CLCN3: variants seen among roughly 807,000 people sequenced by gnomAD.
CLCN3 encodes the protein H(+)/Cl(-) exchange transporter 3.
A neutral mutation model predicts 83.4 loss-of-function variants in CLCN3; 16 were observed. The ratio of observed to expected loss-of-function variants is 0.19; its 90% CI spans 0.13 to 0.29. CLCN3 has a LOEUF of 0.29. Among genes scored for constraint, CLCN3 ranks in the 10% least tolerant of loss-of-function variants. The pLI, the probability that CLCN3 is intolerant of heterozygous loss-of-function variation, is 1.00. For missense variants in CLCN3, 544 were observed against 1,006.0 expected (o/e 0.54, Z 6.21); for synonymous variants, 322 against 346.2 (o/e 0.93, Z 0.78).
intron 2 of CLCN3, among the ~76,000 whole-genome samples, chr4:169,677,841 CT>C (rs760785457): frequency 6.6e-6 from 1 of 152,164 alleles, no homozygotes; most frequent in African/African-American, 2.4e-5. Flanking sequence ...ATTTCCATTT[CT>C]TTTTATGTGT....
intron 2 of CLCN3, among the ~76,000 whole-genome samples, chr4:169,673,823 A>T (rs1731573136): frequency 6.6e-6 from 1 of 152,164 alleles, no homozygotes; most frequent in South Asian, 2.1e-4. Flanking sequence ...GATATATGCC[A>T]TTATATGTAA....
At chr4:169,666,430 C>T (rs1018012193) in intron 2 of CLCN3, among the ~76,000 whole-genome samples, 7 of 152,262 alleles carry the variant, frequency 4.6e-5, no homozygotes, top group African/African-American at 1.4e-4. Flanking sequence ...GCATTACTAT[C>T]GTAAACTTCT....
chr4:169,678,955 G>A (rs1731793719), intron 2 of CLCN3, among the ~76,000 whole-genome samples: 1 of 152,400 alleles, frequency 6.6e-6, no homozygotes, highest in South Asian at 2.1e-4. Context: ...TGGCGGCCAG[G>A]CAGAGGGGCT....
chr4:169,703,358 T>A (rs570226542), intron 9 of CLCN3, among the ~76,000 whole-genome samples: 1 of 152,356 alleles, frequency 6.6e-6, no homozygotes, highest in Non-Finnish European at 1.5e-5. Flanking sequence ...TGGGCAACTC[T>A]GATAAGTTTG....
chr4:169,685,636 A>G (rs1000656420), intron 3 of CLCN3, among the ~76,000 whole-genome samples: 21 of 152,138 alleles, frequency 1.4e-4, no homozygotes, highest in African/African-American at 5.1e-4. Context: ...GATTTTAGGA[A>G]CGGTGATGAT....
In CLCN3 at chr4:169,673,524, C is replaced by T. The variant is rs142749848; in HGVS notation, c.161-6526C>T. Among the ~76,000 whole-genome samples the T allele has an allele frequency of 4.5e-3, 674 of 151,104 alleles. 3 individuals carry two copies. Among genetic ancestry groups the T allele is most frequent in the African/African-American group, 0.016 (645 of 41,202 alleles). Reference sequence around the variant, plus strand: ...TTGAAAATTCTTTAAGTGGGGCTAGCGATGTATTATGGATACATGTTAAGT... The same window carrying T: ...TTGAAAATTCTTTAAGTGGGGCTAGTGATGTATTATGGATACATGTTAAGT... On this transcript the variant is annotated intron_variant, in intron 2 of 12. Transcript: ENST00000513761.
At chr4:169,697,081 A>G in intron 8 of CLCN3, 108 bp from the exon 9 acceptor site, 1 of 786,406 alleles carries the variant, frequency 1.3e-6, no homozygotes, top group Non-Finnish European at 1.9e-6. Flanking sequence ...GTAAATTCTA[A>G]CTACAGCAAA....
intron 7 of CLCN3, among the ~76,000 whole-genome samples, chr4:169,694,220 A>G (rs1027982915): frequency 2.6e-5 from 4 of 152,224 alleles, no homozygotes; most frequent in African/African-American, 9.6e-5. Flanking sequence ...AAACTTTTAT[A>G]AAGTATTTAC....
chr4:169,654,065 G>A (rs193187306), intron 2 of CLCN3, among the ~76,000 whole-genome samples: 1 of 152,248 alleles, frequency 6.6e-6, no homozygotes, highest in African/African-American at 2.4e-5. Flanking sequence ...CTCTTGTACA[G>A]TGCCACCTCT....
chr4:169,690,804 C>A, intron 6 of CLCN3, 152 bp downstream of exon 6: 1 of 584,938 alleles, frequency 1.7e-6, no homozygotes. Flanking sequence ...TGATGGTAGA[C>A]ATCATTGAAA....
rs537349488 is a variant in CLCN3, at chr4:169,628,108, A to AC, written c.-17+7051dup. On this transcript the variant is annotated intron_variant, in intron 1 of 12. Transcript: ENST00000513761. ...ACATCCATACACTGTCCCATTCCCAACCCCCCAATAAAGGAACCTCAACCT... is the reference window on the plus strand; with the variant it reads ...ACATCCATACACTGTCCCATTCCCAACCCCCCCAATAAAGGAACCTCAACCT... 5.8e-4 allele frequency among the ~76,000 whole-genome samples: 88 copies of AC among 152,246 alleles called. No homozygotes were observed. In the South Asian group the frequency reaches 7.7e-3, roughly 13 times the overall value.
intron 2 of CLCN3, among the ~76,000 whole-genome samples, chr4:169,641,447 G>A (rs13120831): frequency 0.23 from 35,401 of 152,078 alleles, 4,309 homozygotes; most frequent in South Asian, 0.3. Context: ...CATAGTAGAC[G>A]AGGCTCAGAG....
At chr4:169,663,723 C>G in intron 2 of CLCN3, 1 of 312,916 alleles carries the variant, frequency 3.2e-6, no homozygotes, top group Non-Finnish European at 6.4e-6. Flanking sequence ...TCCCCATTTT[C>G]TAGTTGACAA....
chr4:169,630,721 G>A (rs1440591777), intron 1 of CLCN3, among the ~76,000 whole-genome samples: 1 of 151,938 alleles, frequency 6.6e-6, no homozygotes, highest in Non-Finnish European at 1.5e-5. Context: ...TTAGTACAGG[G>A]TTTCACCATG....
intron 2 of CLCN3, among the ~76,000 whole-genome samples, chr4:169,668,852 C>T (rs1731352859): frequency 6.6e-6 from 1 of 151,894 alleles, no homozygotes; most frequent in East Asian, 1.9e-4. Context: ...CCTCTTGAAG[C>T]TTCAGCTGTT....
chr4:169,671,680 G>T (rs146802392), intron 2 of CLCN3, among the ~76,000 whole-genome samples: 1 of 152,052 alleles, frequency 6.6e-6, no homozygotes, highest in South Asian at 2.1e-4. Context: ...CTGTAATATC[G>T]AATCGTGTTC....
At chr4:169,689,662 A>G (rs1374162105) in intron 5 of CLCN3, among the ~76,000 whole-genome samples, 1 of 152,252 alleles carries the variant, frequency 6.6e-6, no homozygotes, top group South Asian at 2.1e-4. Flanking sequence ...GCATTACGGC[A>G]TTTAAATGAT....
In CLCN3 at chr4:169,721,373, A is replaced by T. The variant is rs1733634081; in HGVS notation, c.*1376A>T. 1 of 152,228 alleles carries T rather than the reference A, an allele frequency of 6.6e-6. No homozygotes were observed. The highest frequency in any genetic ancestry group is 1.5e-5 in the Non-Finnish European group (1 of 68,044). The allele number at this position is 152,228 out of a possible 1,614,324, so 9.4% of individuals were successfully genotyped here. ...CTCTCTGTGATCCAGTGTGCACATAAACCTTTCTCTGATCTTTCACTGCCA... is the reference window on the plus strand; with the variant it reads ...CTCTCTGTGATCCAGTGTGCACATATACCTTTCTCTGATCTTTCACTGCCA... On this transcript the variant is annotated 3_prime_UTR_variant, in exon 13 of 13. Transcript: ENST00000513761.
chr4:169,675,424 A>G (rs1054154535), intron 2 of CLCN3, among the ~76,000 whole-genome samples: 11 of 152,242 alleles, frequency 7.2e-5, no homozygotes, highest in African/African-American at 2.4e-4. Flanking sequence ...TAAACTAGAA[A>G]GATGGCAAGA....
Sources: gnomAD v4.1 joint callset for allele counts (sites outside exome capture counted in the v4.1 genomes callset) on GRCh38, gnomAD v4.1.1 for gene constraint, MANE v1.5 for transcripts, NCBI Gene and HGNC (gene_info 2026-07-23, HGNC 2026-07-21) for gene names.